The following FBXL13 variants were observed in gnomAD, a reference collection of about 807,000 sequenced individuals.
FBXL13 encodes F-box and leucine-rich repeat protein 13.
In FBXL13, 67 loss-of-function variants were observed where a neutral mutation model predicts 83.6. That is an observed-to-expected ratio of 0.80 (90% confidence interval 0.66 to 0.98). The LOEUF (loss-of-function observed/expected upper bound fraction) is 0.98, where lower values mean the gene tolerates loss of function less well. FBXL13 is among the 50% of genes least tolerant of loss of function. The probability of loss-of-function intolerance (pLI) is 0.00; values close to 1 mark genes in which losing one functional copy is unlikely to be tolerated. For synonymous variants in FBXL13, 272 were observed against 299.5 expected (o/e 0.91, Z 0.95); for missense variants, 822 against 866.5 (o/e 0.95, Z 0.64).
In FBXL13 at chr7:102,826,724, CATATATATA is replaced by C. The variant is rs1443639495; in HGVS notation, c.1855-4530_1855-4522del. On this transcript the variant is annotated intron_variant, in intron 18 of 19. Coordinates refer to ENST00000313221, the Ensembl canonical transcript of FBXL13. ...TGGGAGACAGAGTGAGACCCTGTCT[CATATATATA>C]TATATATATATATATATATATATAT... is the stretch of plus-strand genomic sequence containing the variant. Among the ~76,000 whole-genome samples the C allele has an allele frequency of 1.1e-4, 7 of 62,712 alleles. 1 individual carries two copies. Among genetic ancestry groups the C allele is most frequent in the Admixed American group, 7.2e-4 (3 of 4,174 alleles). The allele number at this position is 62,712 out of a possible 152,430, so 41.1% of individuals were successfully genotyped here.
chr7:102,824,871 G>C (rs1315534443), intron 18 of FBXL13, among the ~76,000 whole-genome samples: 1 of 142,962 alleles, frequency 7.0e-6, no homozygotes, highest in East Asian at 2.1e-4. Context: ...CTGTCTTCTT[G>C]CCGTAGCCTC....
At chr7:103,051,788 T>C (rs1459904253) in intron 2 of FBXL13, among the ~76,000 whole-genome samples, 1 of 152,192 alleles carries the variant, frequency 6.6e-6, no homozygotes, top group African/African-American at 2.4e-5. Flanking sequence ...GAATTAGGTA[T>C]AGAACAGCTG....
At chr7:103,056,879 T>C (rs913003821) in intron 1 of FBXL13, among the ~76,000 whole-genome samples, 54 of 152,108 alleles carry the variant, frequency 3.6e-4, no homozygotes, top group African/African-American at 1.3e-3. Context: ...TGGTATCACA[T>C]TGTGGTTTTG....
intron 1 of FBXL13, among the ~76,000 whole-genome samples, chr7:103,057,874 G>A (rs750434034): frequency 6.6e-6 from 1 of 152,274 alleles, no homozygotes; most frequent in South Asian, 2.1e-4. Flanking sequence ...GTGGTTCACT[G>A]TTTTCTGGTG....
chr7:103,046,661 T>C (rs1796315861), intron 2 of FBXL13: 1 of 152,230 alleles, frequency 6.6e-6, no homozygotes, highest in South Asian at 2.1e-4. Context: ...TCATCATTTC[T>C]ATTGGCTACA....
chr7:102,881,702 T>C (rs143230206), intron 14 of FBXL13, among the ~76,000 whole-genome samples: 102 of 151,974 alleles, frequency 6.7e-4, no homozygotes, highest in African/African-American at 2.4e-3. Flanking sequence ...TGAACTAGAG[T>C]GGTTCTAGCT....
intron 2 of FBXL13, among the ~76,000 whole-genome samples, chr7:103,042,692 C>G (rs1322022610): frequency 2.0e-5 from 3 of 152,122 alleles, no homozygotes; most frequent in East Asian, 3.8e-4. Context: ...TGATCTTTGA[C>G]AAATCTGAGA....
chr7:102,916,758 ATCTTTT>A (rs1815952430), intron 10 of FBXL13, among the ~76,000 whole-genome samples: 1 of 148,020 alleles, frequency 6.8e-6, no homozygotes, highest in Admixed American at 6.7e-5. Flanking sequence ...GCTTGTTTTT[ATCTTTT>A]TCTAATTATT....
At chr7:102,915,694 A>G (rs1815707933) in intron 10 of FBXL13, among the ~76,000 whole-genome samples, 2 of 151,790 alleles carry the variant, frequency 1.3e-5, no homozygotes, top group African/African-American at 4.9e-5. Context: ...AAGATTACAA[A>G]AACAGCCAAT....
chr7:103,025,187 A>G, exon 6 of FBXL13: 2 of 1,593,872 alleles, frequency 1.3e-6, no homozygotes, highest in Non-Finnish European at 1.7e-6. Flanking sequence ...TTTGAGTATT[A>G]ACCTATTTTT....
chr7:102,974,166 G>A (rs184839610), intron 6 of FBXL13, among the ~76,000 whole-genome samples: 2 of 152,130 alleles, frequency 1.3e-5, no homozygotes, highest in Non-Finnish European at 2.9e-5. Flanking sequence ...TGAGGTGGGC[G>A]GATCACCAGG....
intron 11 of FBXL13, among the ~76,000 whole-genome samples, chr7:102,905,526 T>C (rs1813619318): frequency 6.6e-6 from 1 of 152,180 alleles, no homozygotes; most frequent in Non-Finnish European, 1.5e-5. Flanking sequence ...CTGTTTCTTG[T>C]AGGCAAGAGA....
chr7:102,906,929 TTTTG>T (rs1334035465), intron 11 of FBXL13, among the ~76,000 whole-genome samples: 2 of 152,090 alleles, frequency 1.3e-5, no homozygotes, highest in African/African-American at 2.4e-5. Flanking sequence ...TCCCTTTGGT[TTTTG>T]TTTGTTTGTT....
At chr7:102,835,830 C>T (rs1243417695) in intron 17 of FBXL13, among the ~76,000 whole-genome samples, 1 of 151,570 alleles carries the variant, frequency 6.6e-6, no homozygotes, top group Non-Finnish European at 1.5e-5. Context: ...GGGATGGTCT[C>T]GATCTCCTGA....
At chr7:102,847,655 T>C (rs1011880491) in intron 17 of FBXL13, among the ~76,000 whole-genome samples, 1 of 151,770 alleles carries the variant, frequency 6.6e-6, no homozygotes, top group Admixed American at 6.6e-5. Flanking sequence ...GCCTCCGGAG[T>C]AGCTGGGACT....
At chr7:102,897,477 G>C (rs561543226) in intron 11 of FBXL13, among the ~76,000 whole-genome samples, 20 of 152,172 alleles carry the variant, frequency 1.3e-4, no homozygotes, top group African/African-American at 4.6e-4. Context: ...TGTAGGGGGA[G>C]GGGAATATAA....
intron 2 of FBXL13, among the ~76,000 whole-genome samples, chr7:103,043,632 C>T (rs1795977826): frequency 6.6e-6 from 1 of 152,186 alleles, no homozygotes; most frequent in South Asian, 2.1e-4. Context: ...CTGCCTCAGC[C>T]TCCCAAGTAG....
intron 2 of FBXL13, among the ~76,000 whole-genome samples, chr7:103,054,441 A>T (rs957040449): frequency 6.6e-6 from 1 of 151,318 alleles, no homozygotes; most frequent in Non-Finnish European, 1.5e-5. Flanking sequence ...TTCCACACAT[A>T]TCTAATTTGT....
At chr7:102,874,890 T>C (rs1319655152) in intron 16 of FBXL13, among the ~76,000 whole-genome samples, 1 of 152,212 alleles carries the variant, frequency 6.6e-6, no homozygotes, top group Admixed American at 6.5e-5. Flanking sequence ...TTTTAACTTG[T>C]CCTCTGTAGA....
Sources: gnomAD v4.1 joint callset for allele counts (sites outside exome capture counted in the v4.1 genomes callset) on GRCh38, gnomAD v4.1.1 for gene constraint, MANE v1.5 for transcripts, NCBI Gene and HGNC (gene_info 2026-07-23, HGNC 2026-07-21) for gene names.